LDLRAD4: variants seen among roughly 807,000 people sequenced by gnomAD.
LDLRAD4 encodes the protein low-density lipoprotein receptor class A domain-containing protein 4.
A neutral mutation model predicts 17.0 loss-of-function variants in LDLRAD4; 5 were observed. The ratio of observed to expected loss-of-function variants is 0.29; its 90% CI spans 0.15 to 0.62. The LOEUF is 0.62. Among genes scored for constraint, LDLRAD4 ranks in the 20% least tolerant of loss-of-function variants. LDLRAD4 has a pLI of 0.84. For synonymous variants in LDLRAD4, 168 were observed against 171.8 expected (o/e 0.98, Z 0.17); for missense variants, 340 against 424.7 (o/e 0.80, Z 1.75).
intron 2 of LDLRAD4, among the ~76,000 whole-genome samples, chr18:13,404,935 C>T (rs184338154): frequency 4.0e-5 from 6 of 151,246 alleles, no homozygotes; most frequent in Admixed American, 6.6e-5. Context: ...CTCTGTAGGT[C>T]GTATGAAGAA....
At chr18:13,558,375 G>A (rs2094506014) in intron 3 of LDLRAD4, among the ~76,000 whole-genome samples, 1 of 152,210 alleles carries the variant, frequency 6.6e-6, no homozygotes, top group Non-Finnish European at 1.5e-5. Context: ...ATTCGTACCC[G>A]ACTTCTCTGG....
At chr18:13,631,990 A>G (rs1487002088) in intron 4 of LDLRAD4, among the ~76,000 whole-genome samples, 2 of 152,232 alleles carry the variant, frequency 1.3e-5, no homozygotes, top group African/African-American at 2.4e-5. Flanking sequence ...TACATCATCA[A>G]CAAGTGGGGG....
At chr18:13,424,377 A>G (rs1467114717) in intron 2 of LDLRAD4, among the ~76,000 whole-genome samples, 5 of 152,148 alleles carry the variant, frequency 3.3e-5, no homozygotes, top group African/African-American at 1.2e-4. Flanking sequence ...TGACAGGAGC[A>G]CAGATATCAG....
At chr18:13,620,314 T>C (rs1436320885) in intron 3 of LDLRAD4, among the ~76,000 whole-genome samples, 1 of 152,228 alleles carries the variant, frequency 6.6e-6, no homozygotes, top group Non-Finnish European at 1.5e-5. Flanking sequence ...ATTCCTGCAC[T>C]GTCTTCCTCT....
At chr18:13,325,564 C>T (rs890719611) in intron 1 of LDLRAD4, among the ~76,000 whole-genome samples, 40 of 152,152 alleles carry the variant, frequency 2.6e-4, no homozygotes, top group African/African-American at 8.4e-4. Context: ...CTCCTTGCTT[C>T]CTGTGGACTC....
intron 3 of LDLRAD4, among the ~76,000 whole-genome samples, chr18:13,508,070 G>T (rs980535389): frequency 6.7e-6 from 1 of 149,266 alleles, no homozygotes; most frequent in African/African-American, 2.6e-5. Context: ...CAGCCTCATT[G>T]TTGACATGAA....
At chr18:13,388,656 G>C (rs145995001) in intron 2 of LDLRAD4, among the ~76,000 whole-genome samples, 176 of 152,358 alleles carry the variant, frequency 1.2e-3, no homozygotes, top group African/African-American at 4.0e-3. Flanking sequence ...GAGAGGGGCA[G>C]GGGCTCAGGC....
chr18:13,618,908 C>T (rs543840755), intron 3 of LDLRAD4, among the ~76,000 whole-genome samples: 1 of 152,376 alleles, frequency 6.6e-6, no homozygotes, highest in South Asian at 2.1e-4. Flanking sequence ...AGTCTCTCTG[C>T]TTCCTTTCAT....
rs1295084827 is a variant in LDLRAD4, at chr18:13,622,220, G to A, written c.336+949G>A. Reference sequence around the variant, plus strand: ...CTGTCCAGGTGGGTTTCCTGGGGTGGCCGCTGGCCCTGGGACCCCTCTCAG... The same window carrying A: ...CTGTCCAGGTGGGTTTCCTGGGGTGACCGCTGGCCCTGGGACCCCTCTCAG... On this transcript the variant is annotated intron_variant, in intron 4 of 5. Transcript: ENST00000359446. The surrounding 1 kb of genome is among the most constrained non-coding windows in gnomAD (Gnocchi z 5.3). 6.6e-6 allele frequency among the ~76,000 whole-genome samples: 1 copy of A among 152,094 alleles called. No individual in the cohort carries two copies. Among genetic ancestry groups the A allele is most frequent in the Non-Finnish European group, 1.5e-5 (1 of 68,016 alleles).
At chr18:13,595,515 GTGTTT>G (rs1396067517) in intron 3 of LDLRAD4, among the ~76,000 whole-genome samples, 1 of 151,426 alleles carries the variant, frequency 6.6e-6, no homozygotes, top group Non-Finnish European at 1.5e-5. Flanking sequence ...TTGTTTGAGG[GTGTTT>G]TGTTTTGTTT....
intron 3 of LDLRAD4, among the ~76,000 whole-genome samples, chr18:13,540,073 A>G (rs2094253752): frequency 6.6e-6 from 1 of 152,232 alleles, no homozygotes; most frequent in South Asian, 2.1e-4. Flanking sequence ...GAACAGGGAA[A>G]TGAGGAAAGT....
intron 3 of LDLRAD4, among the ~76,000 whole-genome samples, chr18:13,568,076 C>T (rs1033528325): frequency 1.3e-5 from 2 of 152,042 alleles, no homozygotes; most frequent in Non-Finnish European, 1.5e-5. Flanking sequence ...GGGGGGATCA[C>T]CTGAGGTCAG....
At chr18:13,577,353 C>A (rs1378469485) in intron 3 of LDLRAD4, among the ~76,000 whole-genome samples, 1 of 152,208 alleles carries the variant, frequency 6.6e-6, no homozygotes, top group Non-Finnish European at 1.5e-5. Context: ...GAGGACCCTG[C>A]AGCGGCAGTC....
At chr18:13,492,442 C>T (rs963764501) in intron 3 of LDLRAD4, among the ~76,000 whole-genome samples, 1 of 152,240 alleles carries the variant, frequency 6.6e-6, no homozygotes, top group African/African-American at 2.4e-5. Flanking sequence ...CTCCCTTCCC[C>T]CCCGGGTCTG....
intron 1 of LDLRAD4, among the ~76,000 whole-genome samples, chr18:13,288,350 C>G (rs1314904796): frequency 6.6e-6 from 1 of 152,102 alleles, no homozygotes; most frequent in Non-Finnish European, 1.5e-5. Flanking sequence ...GTTTAAAGGA[C>G]ACGTGTATTG....
intron 1 of LDLRAD4, among the ~76,000 whole-genome samples, chr18:13,371,161 C>T (rs1307170950): frequency 6.6e-6 from 1 of 152,134 alleles, no homozygotes; most frequent in Non-Finnish European, 1.5e-5. Context: ...AGGGAAGACT[C>T]TCCTTTCTGG....
chr18:13,360,022 G>A lies in LDLRAD4; in HGVS notation c.-382-27319G>A, dbSNP rs137938567. Among the ~76,000 whole-genome samples, 251 of 152,330 alleles carry A rather than the reference G, an allele frequency of 1.6e-3. 2 individuals carry two copies. The highest frequency in any genetic ancestry group is 5.8e-3 in the African/African-American group (242 of 41,580). On this transcript the variant is annotated intron_variant, in intron 1 of 5. Coordinates refer to ENST00000359446, the Ensembl canonical transcript of LDLRAD4. ...GACTGAGGTGTTTTCAACTTCAGAT[G>A]GAGCACAGAGACTGTGAGCTGTAGG...
chr18:13,281,073 G>A (rs543520701), intron 1 of LDLRAD4, among the ~76,000 whole-genome samples: 17 of 152,182 alleles, frequency 1.1e-4, no homozygotes, highest in East Asian at 9.6e-4. Flanking sequence ...AGTGATCTTC[G>A]GCACCGTGCA....
At chr18:13,259,269 C>G (rs1354589810) in intron 1 of LDLRAD4, among the ~76,000 whole-genome samples, 1 of 152,132 alleles carries the variant, frequency 6.6e-6, no homozygotes, top group Non-Finnish European at 1.5e-5. Context: ...GCCTCATACT[C>G]CACAAGTGTA....
Sources: allele counts gnomAD v4.1 joint callset (sites outside exome capture counted in the v4.1 genomes callset), GRCh38; gene constraint gnomAD v4.1.1; non-coding constraint Gnocchi (gnomAD v3.1); transcripts MANE v1.5; gene names NCBI Gene and HGNC (gene_info 2026-07-23, HGNC 2026-07-21).